Variants in ZNF407 observed in about 807,000 individuals in gnomAD.
ZNF407 encodes the protein zinc finger protein 407.
In ZNF407, 17 loss-of-function variants were observed where a neutral mutation model predicts 131.2. The ratio of observed to expected loss-of-function variants is 0.13; its 90% CI spans 0.09 to 0.19. ZNF407 has a LOEUF of 0.19. Ranked by LOEUF, ZNF407 falls within the 10% of genes least tolerant of loss-of-function variation. The pLI is 1.00. For synonymous variants in ZNF407, 1,156 were observed against 1,062.0 expected (o/e 1.09, Z -1.72); for missense variants, 2,681 against 2,830.6 (o/e 0.95, Z 1.20).
chr18:74,675,951 GT>G (rs1292078211), intron 3 of ZNF407, among the ~76,000 whole-genome samples: 3 of 152,022 alleles, frequency 2.0e-5, no homozygotes, highest in African/African-American at 7.2e-5. Flanking sequence ...AAAAAAAGTT[GT>G]TTTACACATC....
At position 74,877,357 on chromosome 18, in the gene ZNF407, C is replaced by T. The variant is rs1343724045; in HGVS notation, c.5038C>T (p.His1680Tyr). 2 of 1,612,898 alleles carry T rather than the reference C, an allele frequency of 1.2e-6. No individual in the cohort carries two copies. The highest frequency in any genetic ancestry group is 8.5e-7 in the Non-Finnish European group (1 of 1,179,694). ...ASAMKDHYRT[H>Y]TGEKSFLCDL... ...CGCAATGAAAGACCACTACAGGACG[C>T]ACACAGGTGTGCCGCGCCGCCTTCC... Residue 1680 changes from histidine to tyrosine, a missense_variant, in exon 5 of 9, where the codon CAC becomes TAC. This residue lies in a region of ZNF407 where 213 missense variants were observed against 332.2 expected (regional missense o/e 0.64). Coordinates refer to ENST00000299687, the MANE Select transcript of ZNF407 (RefSeq NM_017757.3).
At chr18:74,874,736 G>T (rs1439929607) in intron 4 of ZNF407, among the ~76,000 whole-genome samples, 1 of 136,372 alleles carries the variant, frequency 7.3e-6, no homozygotes, top group Admixed American at 7.3e-5. Flanking sequence ...ATTTATAATG[G>T]CATTTAATTT....
chr18:74,983,643 A>T (rs911240156), intron 8 of ZNF407, among the ~76,000 whole-genome samples: 3 of 152,212 alleles, frequency 2.0e-5, no homozygotes, highest in Admixed American at 2.0e-4. Context: ...AAATTAAGTT[A>T]TTTAGTTTTA....
At chr18:74,892,030 A>G (rs1175389371) in intron 7 of ZNF407, among the ~76,000 whole-genome samples, 1 of 152,236 alleles carries the variant, frequency 6.6e-6, no homozygotes, top group Non-Finnish European at 1.5e-5. Flanking sequence ...ATTTCAAACA[A>G]GATTATGTAT....
chr18:74,949,065 G>A (rs566474863), intron 8 of ZNF407, among the ~76,000 whole-genome samples: 57 of 152,224 alleles, frequency 3.7e-4, no homozygotes, highest in Admixed American at 3.6e-3. Context: ...AGAGAAGAAC[G>A]CGAAGAAAAC....
chr18:74,892,232 G>A (rs1013520020), intron 7 of ZNF407, among the ~76,000 whole-genome samples: 8 of 152,308 alleles, frequency 5.3e-5, no homozygotes, highest in African/African-American at 1.7e-4. Flanking sequence ...TTCTGTCTGC[G>A]TTTGGTATGA....
chr18:74,885,149 T>C (rs570720376), intron 6 of ZNF407, among the ~76,000 whole-genome samples: 12 of 152,306 alleles, frequency 7.9e-5, no homozygotes, highest in Admixed American at 2.0e-4. Flanking sequence ...CTAAGTCTTA[T>C]TATACAGCAA....
intron 8 of ZNF407, among the ~76,000 whole-genome samples, chr18:74,972,384 C>T (rs1403327172): frequency 6.6e-6 from 1 of 152,190 alleles, no homozygotes; most frequent in African/African-American, 2.4e-5. Context: ...TTCCCCACTC[C>T]CTTTCCCCTC....
chr18:74,924,711 C>T (rs759168778), intron 8 of ZNF407, among the ~76,000 whole-genome samples: 1 of 152,040 alleles, frequency 6.6e-6, no homozygotes, highest in African/African-American at 2.4e-5. Context: ...TAAATATAAC[C>T]CCAGAGAAAG....
chr18:74,674,927 T>C (rs1599059563), intron 3 of ZNF407, among the ~76,000 whole-genome samples: 1 of 152,220 alleles, frequency 6.6e-6, no homozygotes, highest in African/African-American at 2.4e-5. Context: ...ACCAAATGTA[T>C]ATCTCTAGTC....
chr18:74,958,858 G>A (rs921132908), intron 8 of ZNF407, among the ~76,000 whole-genome samples: 1 of 152,164 alleles, frequency 6.6e-6, no homozygotes, highest in South Asian at 2.1e-4. Flanking sequence ...CTGGGCATGT[G>A]ACTTCTAAGA....
intron 3 of ZNF407, among the ~76,000 whole-genome samples, chr18:74,656,581 A>C (rs1350444885): frequency 1.3e-5 from 2 of 152,008 alleles, no homozygotes; most frequent in Non-Finnish European, 2.9e-5. Flanking sequence ...AACCATGGAG[A>C]TGTATGAGAT....
intron 8 of ZNF407, among the ~76,000 whole-genome samples, chr18:75,041,036 C>T (rs1250263931): frequency 6.6e-6 from 1 of 152,170 alleles, no homozygotes; most frequent in Non-Finnish European, 1.5e-5. Context: ...TTAAGCATTG[C>T]TACAGGCCAA....
chr18:74,716,713 G>A (rs1348071282), intron 3 of ZNF407, among the ~76,000 whole-genome samples: 3 of 152,086 alleles, frequency 2.0e-5, no homozygotes, highest in Non-Finnish European at 4.4e-5. Context: ...ATGAGAAGTG[G>A]TTCGAAATAA....
intron 3 of ZNF407, among the ~76,000 whole-genome samples, chr18:74,660,026 T>C (rs1390456089): frequency 6.6e-6 from 1 of 152,188 alleles, no homozygotes; most frequent in Non-Finnish European, 1.5e-5. Flanking sequence ...TTTCTGCATA[T>C]TTGAATTATT....
intron 4 of ZNF407, among the ~76,000 whole-genome samples, chr18:74,782,778 C>G (rs1334312298): frequency 2.6e-5 from 4 of 152,190 alleles, no homozygotes; most frequent in African/African-American, 9.6e-5. Flanking sequence ...GCCACCACCT[C>G]CGGCTAATTT....
chr18:74,704,214 C>T (rs1269885180), intron 3 of ZNF407, among the ~76,000 whole-genome samples: 3 of 152,174 alleles, frequency 2.0e-5, no homozygotes, highest in Non-Finnish European at 4.4e-5. Context: ...TCTGGTAAAC[C>T]AGGCCATCGC....
chr18:74,600,737 G>A (rs1260139196), intron 1 of ZNF407, among the ~76,000 whole-genome samples: 1 of 152,160 alleles, frequency 6.6e-6, no homozygotes, highest in Non-Finnish European at 1.5e-5. Flanking sequence ...AGACTTCCAA[G>A]CGTCAAAAGG....
At chr18:74,931,234 G>A (rs1297728596) in intron 8 of ZNF407, among the ~76,000 whole-genome samples, 1 of 152,134 alleles carries the variant, frequency 6.6e-6, no homozygotes, top group Non-Finnish European at 1.5e-5. Flanking sequence ...AAAATTTTGT[G>A]CTTCAAAGGG....
Sources: gnomAD v4.1 joint callset for allele counts (sites outside exome capture counted in the v4.1 genomes callset) on GRCh38, gnomAD v4.1.1 for gene constraint, gnomAD v4.1.1 regional missense constraint, MANE v1.5 for transcripts, NCBI Gene and HGNC (gene_info 2026-07-23, HGNC 2026-07-21) for gene names.